Variants in ANKRD6 observed in about 807,000 individuals in gnomAD.
ANKRD6 encodes ankyrin repeat domain-containing protein 6.
Under a neutral mutation model 82.3 loss-of-function variants are expected in ANKRD6, and 56 were observed. The ratio of observed to expected loss-of-function variants is 0.68; its 90% confidence interval spans 0.55 to 0.85. The LOEUF is 0.85. Ranked by LOEUF, ANKRD6 falls within the 40% of genes least tolerant of loss-of-function variation. ANKRD6 has a pLI of 0.00. For missense variants in ANKRD6, 852 were observed against 907.6 expected (o/e 0.94, Z 0.79); for synonymous variants, 347 against 352.1 (o/e 0.99, Z 0.16).
intron 1 of ANKRD6, among the ~76,000 whole-genome samples, chr6:89,507,160 G>T (rs1364338336): frequency 6.6e-6 from 1 of 152,156 alleles, no homozygotes; most frequent in Non-Finnish European, 1.5e-5. Context: ...CTGACAGGCA[G>T]ATTTTGGTTT....
At chr6:89,447,626 T>C (rs1772251967) in intron 1 of ANKRD6, among the ~76,000 whole-genome samples, 1 of 152,222 alleles carries the variant, frequency 6.6e-6, no homozygotes, top group Admixed American at 6.5e-5. Flanking sequence ...CACTGACGAA[T>C]AGATTTTCAA....
In ANKRD6 at chr6:89,633,776, C is replaced by G. The variant is rs1473463331; in HGVS notation, c.*2772C>G. 1 of 152,034 alleles carries G rather than the reference C, an allele frequency of 6.6e-6. No individual in the cohort carries two copies. The highest frequency in any genetic ancestry group is 1.5e-5 in the Non-Finnish European group (1 of 68,012). The allele number at this position is 152,034 out of a possible 1,614,324, so 9.4% of individuals were successfully genotyped here. Reference sequence around the variant, plus strand: ...TTATCACCTTGAATTTGTGTCTCTTCCAAGCATTAAAGATACTATGGATCT... The same window carrying G: ...TTATCACCTTGAATTTGTGTCTCTTGCAAGCATTAAAGATACTATGGATCT... On this transcript the variant is annotated 3_prime_UTR_variant, in exon 16 of 16. Coordinates refer to ENST00000339746, the MANE Select transcript of ANKRD6 (RefSeq NM_001242809.2).
chr6:89,527,882 T>C (rs1782698514), intron 1 of ANKRD6, among the ~76,000 whole-genome samples: 1 of 152,164 alleles, frequency 6.6e-6, no homozygotes, highest in Non-Finnish European at 1.5e-5. Flanking sequence ...CAATCACAGC[T>C]CACTGTAACC....
At chr6:89,528,899 A>G (rs1239806039) in intron 1 of ANKRD6, among the ~76,000 whole-genome samples, 1 of 152,260 alleles carries the variant, frequency 6.6e-6, no homozygotes. Flanking sequence ...TTATCTGAGC[A>G]GTAGGTCTCA....
In ANKRD6 at chr6:89,433,926, G is replaced by T. The variant is rs1172958770; in HGVS notation, c.-144+551G>T. Among the ~76,000 whole-genome samples, 1 of 152,242 alleles carries T rather than the reference G, an allele frequency of 6.6e-6. No homozygotes were observed. The highest frequency in any genetic ancestry group is 1.5e-5 in the Non-Finnish European group (1 of 68,034). ...GTCCAGAGAGTCGGCGTGCTGTCTG[G>T]TTTGGGTCCAGACATCAGCTCACCC... On this transcript the variant is annotated intron_variant, in intron 1 of 15. Transcript: ENST00000339746. The surrounding 1 kb of genome is among the most constrained non-coding windows in gnomAD (Gnocchi z 4.3).
intron 3 of ANKRD6, among the ~76,000 whole-genome samples, chr6:89,597,351 G>A (rs1009873185): frequency 1.3e-5 from 2 of 152,178 alleles, no homozygotes; most frequent in African/African-American, 4.8e-5. Context: ...TACAAGGAGA[G>A]AGAAAAGATT....
chr6:89,600,445 T>A (rs901106061), intron 3 of ANKRD6, among the ~76,000 whole-genome samples: 2 of 152,186 alleles, frequency 1.3e-5, no homozygotes, highest in Non-Finnish European at 2.9e-5. Context: ...TCATACTTCA[T>A]GAACAATACA....
chr6:89,526,780 G>C (rs564259560), intron 1 of ANKRD6, among the ~76,000 whole-genome samples: 1 of 152,206 alleles, frequency 6.6e-6, no homozygotes, highest in Admixed American at 6.5e-5. Flanking sequence ...CTGAGGGGCA[G>C]GGAGCCTATG....
At chr6:89,504,786 G>A (rs1369421536) in intron 1 of ANKRD6, among the ~76,000 whole-genome samples, 1 of 152,180 alleles carries the variant, frequency 6.6e-6, no homozygotes, top group Non-Finnish European at 1.5e-5. Flanking sequence ...ATAGAACTTA[G>A]ACGTGCTGGC....
At chr6:89,545,460 C>T (rs1333252541) in intron 1 of ANKRD6, among the ~76,000 whole-genome samples, 2 of 152,112 alleles carry the variant, frequency 1.3e-5, no homozygotes, top group Admixed American at 1.3e-4. Context: ...CTCTACTGGT[C>T]ATAGCAGCAG....
intron 1 of ANKRD6, among the ~76,000 whole-genome samples, chr6:89,465,794 T>G (rs920234352): frequency 6.6e-6 from 1 of 152,052 alleles, no homozygotes; most frequent in Admixed American, 6.6e-5. Flanking sequence ...GCCCGGGAGA[T>G]CAATGCTGCA....
intron 1 of ANKRD6, among the ~76,000 whole-genome samples, chr6:89,502,166 A>T (rs181217772): frequency 6.6e-6 from 1 of 152,244 alleles, no homozygotes; most frequent in Non-Finnish European, 1.5e-5. Context: ...AACCATGGTA[A>T]TTATTAGGAT....
At position 89,469,835 on chromosome 6, in the gene ANKRD6, A is replaced by G. The variant is rs1232775311; in HGVS notation, c.-144+36460A>G. ...ACTGCATGGCCTACAGCCTGTGCTCAGTGTGACATTCTCTTCTGGTTCTTT... is the reference window on the plus strand; with the variant it reads ...ACTGCATGGCCTACAGCCTGTGCTCGGTGTGACATTCTCTTCTGGTTCTTT... On this transcript the variant is annotated intron_variant, in intron 1 of 15. Transcript: ENST00000339746. Among the ~76,000 whole-genome samples, 5 of 152,186 alleles carry G rather than the reference A, an allele frequency of 3.3e-5. No homozygotes were observed. In the South Asian group the frequency reaches 1.0e-3, roughly 32 times the overall value.
At position 89,629,097 on chromosome 6, in the gene ANKRD6, G is replaced by A. The variant is rs778011037; in HGVS notation, c.1486-15G>A. The A allele has an allele frequency of 3.7e-6, 5 of 1,346,562 alleles. No homozygotes were observed. The Admixed American group carries it at 9.9e-5, about 27-fold the overall frequency. The allele number at this position is 1,346,562 out of a possible 1,614,324, so 83.4% of individuals were successfully genotyped here. A position where few individuals can be genotyped will look rare whatever the true frequency, so the allele number is the denominator to read the frequency against. Reference sequence around the variant, plus strand: ...TTCTATGTACTTATTTGTGGGGTTTGTTTTTTTTTTTAAGATATCCTTGGT... The same window carrying A: ...TTCTATGTACTTATTTGTGGGGTTTATTTTTTTTTTTAAGATATCCTTGGT... On this transcript the variant is annotated splice_polypyrimidine_tract_variant and intron_variant, in intron 14 of 15. Transcript: ENST00000339746.
At chr6:89,507,309 G>A (rs1439674231) in intron 1 of ANKRD6, among the ~76,000 whole-genome samples, 1 of 152,180 alleles carries the variant, frequency 6.6e-6, no homozygotes, top group Non-Finnish European at 1.5e-5. Context: ...GATATGAACA[G>A]CAATTTTAGC....
At chr6:89,525,330 C>T (rs1782363719) in intron 1 of ANKRD6, among the ~76,000 whole-genome samples, 4 of 151,578 alleles carry the variant, frequency 2.6e-5, no homozygotes, top group African/African-American at 7.3e-5. Context: ...TGCCCAGGCT[C>T]CCTCCCTAAA....
intron 1 of ANKRD6, among the ~76,000 whole-genome samples, chr6:89,494,964 G>A (rs1330661028): frequency 1.3e-5 from 2 of 152,198 alleles, no homozygotes; most frequent in African/African-American, 4.8e-5. Flanking sequence ...GCCGGGCACG[G>A]TGGCTCACGC....
In ANKRD6 at chr6:89,502,645, A is replaced by G. The variant is rs1194941773; in HGVS notation, c.-143-64189A>G. On this transcript the variant is annotated intron_variant, in intron 1 of 15. Coordinates refer to ENST00000339746, the MANE Select transcript of ANKRD6 (RefSeq NM_001242809.2). ...TTTAAAAAGTTGGCTTTTAAAGCAT[A>G]TGCAGATTTGATCCTTGCTTTCCTT... 3.3e-5 allele frequency among the ~76,000 whole-genome samples: 5 copies of G among 152,206 alleles called. No individual in the cohort carries two copies. In the South Asian group the frequency reaches 8.3e-4, roughly 25 times the overall value.
At chr6:89,492,285 C>G (rs1778106783) in intron 1 of ANKRD6, among the ~76,000 whole-genome samples, 1 of 152,192 alleles carries the variant, frequency 6.6e-6, no homozygotes, top group African/African-American at 2.4e-5. Flanking sequence ...GGAGATACTG[C>G]TGGAAAGCAT....
Sources: allele counts gnomAD v4.1 joint callset (sites outside exome capture counted in the v4.1 genomes callset), GRCh38; gene constraint gnomAD v4.1.1; non-coding constraint Gnocchi (gnomAD v3.1); transcripts MANE v1.5; gene names NCBI Gene and HGNC (gene_info 2026-07-23, HGNC 2026-07-21).